Variants in DYNC2H1 observed in about 807,000 individuals in gnomAD.
DYNC2H1 encodes the protein cytoplasmic dynein 2 heavy chain 1.
DYNC2H1 carries 410 observed loss-of-function variants against 570.0 expected under a neutral mutation model. The ratio of observed to expected loss-of-function variants is 0.72; its 90% confidence interval spans 0.66 to 0.78. The LOEUF (loss-of-function observed/expected upper bound fraction) is 0.78, where lower values mean the gene tolerates loss of function less well. Ranked by LOEUF, DYNC2H1 falls within the 30% of genes least tolerant of loss-of-function variation. The probability of loss-of-function intolerance (pLI) is 0.00; values close to 1 mark genes in which losing one functional copy is unlikely to be tolerated. For missense variants in DYNC2H1, 4,865 were observed against 5,046.4 expected (o/e 0.96, Z 1.09); for synonymous variants, 1,688 against 1,677.6 (o/e 1.01, Z -0.15).
At position 103,249,746 on chromosome 11, in the gene DYNC2H1, A is replaced by G. The variant is rs1260547925; in HGVS notation, c.10043-3539A>G. ...GCAGTCATGTTTGAGCACAAAAAACAGGAACACTTTCCATAACACAAAAAT... is the reference window on the plus strand; with the variant it reads ...GCAGTCATGTTTGAGCACAAAAAACGGGAACACTTTCCATAACACAAAAAT... On this transcript the variant is annotated intron_variant, in intron 65 of 88. Transcript: ENST00000375735. This position sits in a 1 kb window ranked among gnomAD's most constrained non-coding sequence, Gnocchi z 4.6. Among the ~76,000 whole-genome samples, 5 of 152,056 alleles carry G rather than the reference A, an allele frequency of 3.3e-5. No homozygotes were observed. The highest frequency in any genetic ancestry group is 1.3e-4 in the Admixed American group (2 of 15,208).
At chr11:103,398,817 A>G (rs1942501333) in intron 83 of DYNC2H1, among the ~76,000 whole-genome samples, 1 of 152,154 alleles carries the variant, frequency 6.6e-6, no homozygotes, top group Admixed American at 6.5e-5. Context: ...CAGAACTGTC[A>G]TATATCACAG....
intron 52 of DYNC2H1, among the ~76,000 whole-genome samples, chr11:103,208,065 A>G (rs538714985): frequency 2.0e-5 from 3 of 152,056 alleles, no homozygotes; most frequent in African/African-American, 7.2e-5. Context: ...GAAGAATGGG[A>G]TGTTTGAAAG....
chr11:103,140,353 T>C lies in DYNC2H1; in HGVS notation c.2575-2915T>C, dbSNP rs1266336398. On this transcript the variant is annotated intron_variant, in intron 17 of 88. Coordinates refer to ENST00000375735, the MANE Select transcript of DYNC2H1 (RefSeq NM_001377.3). ...ATGATTTTGCAGCGGCTGGTACCAG[T>C]TGTTCCTTTCCATGTTGAGTGCTTC... Among the ~76,000 whole-genome samples, 3 of 152,092 alleles carry C rather than the reference T, an allele frequency of 2.0e-5. No homozygotes were observed. In the East Asian group the frequency reaches 5.8e-4, roughly 29 times the overall value.
At chr11:103,120,367 C>T in intron 6 of DYNC2H1, 80 bp from the exon 7 acceptor site, 3 of 1,264,120 alleles carry the variant, frequency 2.4e-6, no homozygotes, top group South Asian at 2.1e-5. Context: ...AAATTCTTGC[C>T]CAATATATCT....
intron 75 of DYNC2H1, among the ~76,000 whole-genome samples, chr11:103,296,127 A>C (rs1218507527): frequency 3.3e-5 from 5 of 152,018 alleles, no homozygotes; most frequent in African/African-American, 1.2e-4. Flanking sequence ...CACTCTCTTC[A>C]ATGCCTCTTT....
intron 60 of DYNC2H1, among the ~76,000 whole-genome samples, chr11:103,233,195 G>A (rs949062475): frequency 1.3e-5 from 2 of 151,798 alleles, no homozygotes; most frequent in Non-Finnish European, 2.9e-5. Context: ...GATTATTGAT[G>A]AGAACCTGAG....
intron 85 of DYNC2H1, among the ~76,000 whole-genome samples, chr11:103,450,899 TTAAA>T (rs1380868156): frequency 5.3e-5 from 8 of 152,180 alleles, no homozygotes; most frequent in African/African-American, 1.9e-4. Flanking sequence ...TTCTATGTAT[TTAAA>T]TAATGTTTTT....
intron 88 of DYNC2H1, chr11:103,474,033 G>T (rs927001641): frequency 1.7e-4 from 33 of 192,008 alleles, no homozygotes; most frequent in Admixed American, 3.2e-4. Context: ...ATACACTCTG[G>T]TTTAAAAATA....
intron 86 of DYNC2H1, 86 bp downstream of exon 86, chr11:103,455,381 G>T: frequency 1.0e-6 from 1 of 981,762 alleles, no homozygotes. Flanking sequence ...GCCCTTGATT[G>T]TCAAGAAATA....
Position 103,311,961 on chromosome 11 carries a change from T to C in DYNC2H1, c.11577T>C (p.His3859=). The C allele has an allele frequency of 6.2e-7, 1 of 1,613,814 alleles. No homozygotes were observed. Among genetic ancestry groups the C allele is most frequent in the Non-Finnish European group, 8.5e-7 (1 of 1,179,818 alleles). ...PEQISKKDNT[H]RAHALFSLAW... ...AAATTAGCAAAAAAGATAATACACA[T>C]CGAGCTCATGCTCTCTTCAGTCTTG... Residue 3859 remains histidine (H), a synonymous_variant, in exon 79 of 89, where the codon CAT becomes CAC. Coordinates refer to ENST00000375735, the MANE Select transcript of DYNC2H1 (RefSeq NM_001377.3).
At chr11:103,221,883 T>C in intron 57 of DYNC2H1, 147 bp from the exon 58 acceptor site, 1 of 723,264 alleles carries the variant, frequency 1.4e-6, no homozygotes. Flanking sequence ...ATAAGGATAA[T>C]ACATTAGAAG....
intron 59 of DYNC2H1, among the ~76,000 whole-genome samples, chr11:103,230,810 C>T (rs1370378428): frequency 6.6e-6 from 1 of 152,090 alleles, no homozygotes; most frequent in Non-Finnish European, 1.5e-5. Context: ...TTTGAGGCTG[C>T]AGTGGGCTCT....
At chr11:103,427,607 G>T (rs1860138885) in intron 84 of DYNC2H1, among the ~76,000 whole-genome samples, 1 of 152,140 alleles carries the variant, frequency 6.6e-6, no homozygotes, top group African/African-American at 2.4e-5. Context: ...AGGGCTGGCA[G>T]ATCTGGTGGT....
Position 103,170,019 on chromosome 11 carries a change from A to G in DYNC2H1, c.4969-89A>G, listed in dbSNP as rs1861504074. On this transcript the variant is annotated intron_variant, in intron 32 of 88. Coordinates refer to ENST00000375735, the MANE Select transcript of DYNC2H1 (RefSeq NM_001377.3). This position sits in a 1 kb window ranked among gnomAD's most constrained non-coding sequence, Gnocchi z 4.8. ...ACTTTAACCTGTTTGTTGCATTTTTATCTTTTTAACTACAATCTCATGCTG... is the reference window on the plus strand; with the variant it reads ...ACTTTAACCTGTTTGTTGCATTTTTGTCTTTTTAACTACAATCTCATGCTG... 5 of 1,248,138 alleles carry G rather than the reference A, an allele frequency of 4.0e-6. No homozygotes were observed. The South Asian group carries it at 8.2e-5, about 20-fold the overall frequency. 77.3% of individuals were successfully genotyped at this position (1,248,138 alleles called of 1,614,324 possible).
At position 103,117,785 on chromosome 11, in the gene DYNC2H1, G is replaced by A; in HGVS notation, c.921G>A (p.Gln307=). 2.5e-6 allele frequency: 4 copies of A among 1,613,338 alleles called. No homozygotes were observed. Among genetic ancestry groups the A allele is most frequent in the Non-Finnish European group, 3.4e-6 (4 of 1,179,452 alleles). The change falls in exon 6 of 89, where the codon CAG becomes CAA. Residue 307 remains glutamine, a synonymous_variant. Transcript: ENST00000375735. ...VCNHLTGQVW[Q]RYVPHPWKNE... ...ATCATCTAACAGGTCAGGTGTGGCA[G>A]CGCTATGTTCCTCATCCATGGAAAA...
intron 1 of DYNC2H1, among the ~76,000 whole-genome samples, chr11:103,110,748 CCT>C (rs1305770946): frequency 6.6e-6 from 1 of 151,758 alleles, no homozygotes; most frequent in East Asian, 1.9e-4. Flanking sequence ...ATATTTTAAA[CCT>C]CTTCCTTTGG....
chr11:103,333,535 G>GA (rs1435143289), intron 82 of DYNC2H1, among the ~76,000 whole-genome samples: 1 of 152,088 alleles, frequency 6.6e-6, no homozygotes, highest in African/African-American at 2.4e-5. Flanking sequence ...ATGTGTTTTT[G>GA]AAAAGGAGGC....
intron 75 of DYNC2H1, among the ~76,000 whole-genome samples, chr11:103,302,324 C>T (rs535177697): frequency 6.6e-6 from 1 of 152,066 alleles, no homozygotes; most frequent in South Asian, 2.1e-4. Context: ...ATAAACTACC[C>T]AGTATAATGC....
At chr11:103,169,282 A>G (rs1184999327) in intron 32 of DYNC2H1, among the ~76,000 whole-genome samples, 3 of 152,128 alleles carry the variant, frequency 2.0e-5, no homozygotes, top group Non-Finnish European at 2.9e-5. Context: ...AGTCAAAGCA[A>G]TTTGGTTTGT....
Sources: allele counts gnomAD v4.1 joint callset (sites outside exome capture counted in the v4.1 genomes callset), GRCh38; gene constraint gnomAD v4.1.1; non-coding constraint Gnocchi (gnomAD v3.1); transcripts MANE v1.5; gene names NCBI Gene and HGNC (gene_info 2026-07-23, HGNC 2026-07-21).